The following PPFIBP1 variants were observed in gnomAD, a reference collection of about 807,000 sequenced individuals.
PPFIBP1 encodes the protein PPFIB scaffold protein 1, also known as liprin-beta-1.
In PPFIBP1, 112 loss-of-function variants were observed where a neutral mutation model predicts 137.8. The ratio of observed to expected loss-of-function variants is 0.81; its 90% CI spans 0.70 to 0.95. PPFIBP1 has a LOEUF of 0.95. Among genes scored for constraint, PPFIBP1 ranks in the 40% least tolerant of loss-of-function variants. The pLI is 0.00. For missense variants in PPFIBP1, 1,083 were observed against 1,196.6 expected, an observed-to-expected ratio of 0.91 and a Z score of 1.40; for synonymous variants, 378 against 417.3, an observed-to-expected ratio of 0.91 and a Z score of 1.15.
At chr12:27,594,899 T>C (rs1257978476) in intron 2 of PPFIBP1, among the ~76,000 whole-genome samples, 1 of 152,226 alleles carries the variant, frequency 6.6e-6, no homozygotes, top group African/African-American at 2.4e-5. Flanking sequence ...AACAGATTAT[T>C]TTATGGCATA....
At position 27,646,876 on chromosome 12, in the gene PPFIBP1, G is replaced by A. The variant is rs780787404; in HGVS notation, c.357+728G>A. Among the ~76,000 whole-genome samples the A allele has an allele frequency of 4.4e-4, 67 of 152,202 alleles. 1 individual carries two copies. The highest frequency in any genetic ancestry group is 3.3e-4 in the Admixed American group (5 of 15,284). On this transcript the variant is annotated intron_variant, in intron 5 of 29. Coordinates refer to ENST00000228425, the MANE Select transcript of PPFIBP1 (RefSeq NM_003622.4). ...TCAAAGATCTGCTGTAAGCACTAGAGTTGAAGGACTAGCCCAACAGCTCCT... is the reference window on the plus strand; with the variant it reads ...TCAAAGATCTGCTGTAAGCACTAGAATTGAAGGACTAGCCCAACAGCTCCT...
At chr12:27,526,243 G>A (rs1220938467) in intron 1 of PPFIBP1, among the ~76,000 whole-genome samples, 1 of 152,132 alleles carries the variant, frequency 6.6e-6, no homozygotes, top group African/African-American at 2.4e-5. Context: ...GTATCTTTAG[G>A]ATGTTATCCT....
chr12:27,625,925 G>A (rs774397957), intron 2 of PPFIBP1, among the ~76,000 whole-genome samples: 31 of 152,158 alleles, frequency 2.0e-4, no homozygotes, highest in Non-Finnish European at 3.5e-4. Context: ...GCTAAGGTGG[G>A]AGGATCACTT....
At chr12:27,671,129 G>A (rs576465738) in intron 13 of PPFIBP1, among the ~76,000 whole-genome samples, 4 of 151,728 alleles carry the variant, frequency 2.6e-5, no homozygotes, top group South Asian at 4.2e-4. Flanking sequence ...ATAGCAAGAC[G>A]CCGTCTCAAA....
intron 13 of PPFIBP1, among the ~76,000 whole-genome samples, chr12:27,670,788 A>ATAATAATGAT: frequency 7.4e-6 from 1 of 134,286 alleles, no homozygotes; most frequent in Non-Finnish European, 1.6e-5. Context: ...CAAAAAAAAA[A>ATAATAATGAT]AAAAAAAATA....
At position 27,692,894 on chromosome 12, in the gene PPFIBP1, G is replaced by T; in HGVS notation, c.*12G>T. On this transcript the variant is annotated 3_prime_UTR_variant, in exon 30 of 30. Coordinates refer to ENST00000228425, the MANE Select transcript of PPFIBP1 (RefSeq NM_003622.4). ...ACTCAAACGTTTGACCGTAGCACCT[G>T]GATGAACATTAGGAGTGCTTAGTCT... 1 of 1,613,972 alleles carries T rather than the reference G, an allele frequency of 6.2e-7. No homozygotes were observed. Among genetic ancestry groups the T allele is most frequent in the Non-Finnish European group, 8.5e-7 (1 of 1,179,972 alleles).
At chr12:27,564,633 C>T (rs1008505761) in intron 1 of PPFIBP1, among the ~76,000 whole-genome samples, 1 of 152,164 alleles carries the variant, frequency 6.6e-6, no homozygotes, top group African/African-American at 2.4e-5. Context: ...GTTCATCTTC[C>T]CTCTGGCCTT....
chr12:27,647,629 T>G, intron 5 of PPFIBP1, 100 bp from the exon 6 acceptor site: 1 of 700,366 alleles, frequency 1.4e-6, no homozygotes, highest in South Asian at 2.7e-5. Flanking sequence ...ACCGTATGAA[T>G]GGTAGGATCA....
chr12:27,542,861 G>A (rs979177310), intron 1 of PPFIBP1, among the ~76,000 whole-genome samples: 5 of 152,080 alleles, frequency 3.3e-5, no homozygotes, highest in African/African-American at 1.2e-4. Flanking sequence ...AAGCACAGAC[G>A]GCTCTCTTGA....
chr12:27,636,302 CT>C (rs2057670108), intron 4 of PPFIBP1: 1 of 152,146 alleles, frequency 6.6e-6, no homozygotes, highest in Non-Finnish European at 1.5e-5. Context: ...TACTATTATA[CT>C]TTCTATTTGC....
rs537803490 is a variant in PPFIBP1 at position 27,528,521 on chromosome 12, G to A, written c.-124+4156G>A. On this transcript the variant is annotated intron_variant, in intron 1 of 29. Coordinates refer to ENST00000228425, the MANE Select transcript of PPFIBP1 (RefSeq NM_003622.4). ...TCACTGCCGCAAAAATTGATGCTGC[G>A]TTAAATGGAGCTCATAAATTTAAAA... Among the ~76,000 whole-genome samples the A allele has an allele frequency of 8.1e-4, 124 of 152,268 alleles. No individual in the cohort carries two copies. In the Middle Eastern group the frequency reaches 0.01, roughly 13 times the overall value.
intron 2 of PPFIBP1, among the ~76,000 whole-genome samples, chr12:27,623,430 T>C (rs897122290): frequency 2.6e-5 from 4 of 152,206 alleles, no homozygotes; most frequent in Non-Finnish European, 4.4e-5. Context: ...CTCGGTGCAG[T>C]GTCTCACATC....
At chr12:27,641,222 T>G (rs1237883275) in intron 4 of PPFIBP1, among the ~76,000 whole-genome samples, 1 of 152,246 alleles carries the variant, frequency 6.6e-6, no homozygotes, top group Non-Finnish European at 1.5e-5. Flanking sequence ...GATTTAGGAA[T>G]CTTACACTCA....
At chr12:27,563,493 A>T (rs2049358446) in intron 1 of PPFIBP1, among the ~76,000 whole-genome samples, 1 of 149,836 alleles carries the variant, frequency 6.7e-6, no homozygotes, top group Admixed American at 6.7e-5. Flanking sequence ...CAACTCAGAG[A>T]TGAGGCAGAA....
intron 19 of PPFIBP1, chr12:27,677,345 G>T (rs1187817596): frequency 3.5e-6 from 2 of 568,524 alleles, no homozygotes; most frequent in Non-Finnish European, 6.3e-6. Flanking sequence ...GGACCTAGAC[G>T]TGTGCAGCAT....
At chr12:27,634,566 G>A (rs1420180498) in intron 3 of PPFIBP1, among the ~76,000 whole-genome samples, 2 of 152,116 alleles carry the variant, frequency 1.3e-5, no homozygotes, top group African/African-American at 4.8e-5. Context: ...GGTCCGGAAT[G>A]GACCAGGTCT....
chr12:27,571,806 A>G (rs1440649610), intron 1 of PPFIBP1, among the ~76,000 whole-genome samples: 5 of 152,092 alleles, frequency 3.3e-5, no homozygotes, highest in African/African-American at 1.2e-4. Flanking sequence ...TTGACTTCAT[A>G]TTTTTTGAGT....
intron 8 of PPFIBP1, among the ~76,000 whole-genome samples, chr12:27,655,800 A>C (rs1000087249): frequency 5.3e-5 from 8 of 152,216 alleles, no homozygotes; most frequent in African/African-American, 1.9e-4. Flanking sequence ...AATGTAATAA[A>C]TATATCTTTA....
intron 13 of PPFIBP1, among the ~76,000 whole-genome samples, chr12:27,668,654 G>A (rs895209607): frequency 1.3e-5 from 2 of 152,082 alleles, no homozygotes; most frequent in African/African-American, 4.8e-5. Context: ...AATTTCATAC[G>A]AATCATGTTA....
Sources: gnomAD v4.1 joint callset for allele counts (sites outside exome capture counted in the v4.1 genomes callset) on GRCh38, gnomAD v4.1.1 for gene constraint, MANE v1.5 for transcripts, NCBI Gene and HGNC (gene_info 2026-07-23, HGNC 2026-07-21) for gene names.